The following ACBD6 variants were observed in gnomAD, a reference collection of about 807,000 sequenced individuals.
ACBD6 encodes acyl-CoA binding domain containing 6.
In ACBD6, 28 loss-of-function variants were observed where a neutral mutation model predicts 37.2. The observed-to-expected ratio is 0.75, with a 90% CI of 0.56 to 1.03. The LOEUF is 1.03. Ranked by LOEUF, ACBD6 falls within the 50% of genes least tolerant of loss-of-function variation. ACBD6 has a pLI of 0.00. For synonymous variants in ACBD6, 113 were observed against 126.8 expected, an observed-to-expected ratio of 0.89 and a Z score of 0.73; for missense variants, 340 against 337.4, an observed-to-expected ratio of 1.01 and a Z score of -0.06.
rs1313431949 is a variant in ACBD6 at position 180,288,537 on chromosome 1, A to G, written c.695-20T>C. Reference sequence around the variant, plus strand: ...CAGAGGCTGAAAGGAAAATTGACAAATATGAAAACAAGTTTACCAAGAGAC... The same window carrying G: ...CAGAGGCTGAAAGGAAAATTGACAAGTATGAAAACAAGTTTACCAAGAGAC... On this transcript the variant is annotated intron_variant, in intron 7 of 7. Coordinates refer to ENST00000367595, the MANE Select transcript of ACBD6 (RefSeq NM_032360.4). 6.2e-7 allele frequency: 1 copy of G among 1,608,408 alleles called. No individual in the cohort carries two copies. Among genetic ancestry groups the G allele is most frequent in the Admixed American group, 1.7e-5 (1 of 59,170 alleles).
chr1:180,315,109 C>T (rs1056804335), intron 6 of ACBD6, among the ~76,000 whole-genome samples: 1 of 151,980 alleles, frequency 6.6e-6, no homozygotes, highest in Non-Finnish European at 1.5e-5. Flanking sequence ...GTCCCCAAAT[C>T]TATCTAGCGA....
At chr1:180,336,014 A>T (rs1316832902) in intron 6 of ACBD6, among the ~76,000 whole-genome samples, 1 of 151,754 alleles carries the variant, frequency 6.6e-6, no homozygotes, top group African/African-American at 2.4e-5. Context: ...TCATAAAGCA[A>T]GTCCTTAGAG....
chr1:180,373,698 C>A (rs1653340575), intron 6 of ACBD6, among the ~76,000 whole-genome samples: 2 of 151,832 alleles, frequency 1.3e-5, no homozygotes, highest in Non-Finnish European at 2.9e-5. Context: ...ATTATTTAAC[C>A]TCCAGACATT....
At chr1:180,389,503 TTGGGTATATACCCAGTAATGGG>T (rs1653984013) in intron 6 of ACBD6, among the ~76,000 whole-genome samples, 1 of 152,216 alleles carries the variant, frequency 6.6e-6, no homozygotes, top group Non-Finnish European at 1.5e-5. Flanking sequence ...TTATACTCCT[TTGGGTATATACCCAGTAATGGG>T]ATGGCTGGGT....
At chr1:180,282,979 T>TG (rs1379676979) in intron 8 of ACBD6, among the ~76,000 whole-genome samples, 1 of 133,094 alleles carries the variant, frequency 7.5e-6, no homozygotes, top group Non-Finnish European at 1.5e-5. Flanking sequence ...TCTGTTTTTT[T>TG]TTTTTTTTTT....
At chr1:180,406,264 T>C (rs1001401051) in intron 5 of ACBD6, among the ~76,000 whole-genome samples, 1 of 152,096 alleles carries the variant, frequency 6.6e-6, no homozygotes, top group Non-Finnish European at 1.5e-5. Context: ...AAAAAATATT[T>C]ACATTATATA....
At chr1:180,310,896 CAATT>C (rs1373132672) in intron 7 of ACBD6, among the ~76,000 whole-genome samples, 1 of 152,082 alleles carries the variant, frequency 6.6e-6, no homozygotes, top group Non-Finnish European at 1.5e-5. Flanking sequence ...CTGCATTCCC[CAATT>C]AATTATTGTT....
chr1:180,295,960 C>G (rs1029323306), intron 7 of ACBD6, among the ~76,000 whole-genome samples: 9 of 152,136 alleles, frequency 5.9e-5, no homozygotes, highest in African/African-American at 2.2e-4. Context: ...AATGATTAAG[C>G]TTAGTAATGA....
chr1:180,301,634 C>T (rs148843005), intron 7 of ACBD6, among the ~76,000 whole-genome samples: 2,287 of 152,226 alleles, frequency 0.015, 28 homozygotes, highest in Non-Finnish European at 0.02. Context: ...TACTTTCCTT[C>T]TCGGGAACAC....
chr1:180,345,400 T>C (rs1652141117), intron 6 of ACBD6, among the ~76,000 whole-genome samples: 1 of 152,218 alleles, frequency 6.6e-6, no homozygotes. Flanking sequence ...ATAGGCACTT[T>C]CATTAGTTGT....
chr1:180,490,961 TAAAAAA>T (rs67650274), intron 3 of ACBD6, among the ~76,000 whole-genome samples: 1 of 93,850 alleles, frequency 1.1e-5, no homozygotes. Context: ...CTGTCTCATA[TAAAAAA>T]AAAAAAAAAA....
At chr1:180,365,891 T>A (rs1466039693) in intron 6 of ACBD6, among the ~76,000 whole-genome samples, 1 of 152,196 alleles carries the variant, frequency 6.6e-6, no homozygotes, top group Non-Finnish European at 1.5e-5. Flanking sequence ...CAGGCATTAA[T>A]CACTCTGAGT....
At chr1:180,450,630 G>A (rs1649666777) in intron 3 of ACBD6, among the ~76,000 whole-genome samples, 1 of 152,096 alleles carries the variant, frequency 6.6e-6, no homozygotes, top group Non-Finnish European at 1.5e-5. Flanking sequence ...CGTGGTGGCA[G>A]GCGCCTGTAG....
chr1:180,329,270 A>G (rs1295697650), intron 6 of ACBD6, among the ~76,000 whole-genome samples: 1 of 152,206 alleles, frequency 6.6e-6, no homozygotes, highest in Non-Finnish European at 1.5e-5. Flanking sequence ...ATATAAGGCT[A>G]TTTGGTCTTT....
chr1:180,502,370 G>T lies in ACBD6; in HGVS notation c.-104C>A. 7.8e-7 allele frequency: 1 copy of T among 1,283,810 alleles called. No individual in the cohort carries two copies. Among genetic ancestry groups the T allele is most frequent in the Non-Finnish European group, 1.1e-6 (1 of 903,542 alleles). 79.5% of individuals were successfully genotyped at this position (1,283,810 alleles called of 1,614,324 possible). A position where few individuals can be genotyped will look rare whatever the true frequency, so the allele number is the denominator to read the frequency against. On this transcript the variant is annotated 5_prime_UTR_variant, in exon 1 of 8. Coordinates refer to ENST00000367595, the MANE Select transcript of ACBD6 (RefSeq NM_032360.4). ...CCACCAGTCTGGGTCGCGAGCCTGAGCTCCAGTCGGACCCAAGCTCAGTCG... is the reference window on the plus strand; with the variant it reads ...CCACCAGTCTGGGTCGCGAGCCTGATCTCCAGTCGGACCCAAGCTCAGTCG...
intron 5 of ACBD6, among the ~76,000 whole-genome samples, chr1:180,402,761 G>A (rs1647432754): frequency 6.7e-6 from 1 of 150,196 alleles, no homozygotes; most frequent in African/African-American, 2.5e-5. Context: ...CGACGTCACT[G>A]TACTCCAGCC....
At chr1:180,459,860 G>A (rs1404794920) in intron 3 of ACBD6, among the ~76,000 whole-genome samples, 2 of 151,730 alleles carry the variant, frequency 1.3e-5, no homozygotes, top group Non-Finnish European at 2.9e-5. Flanking sequence ...TTTAAAACTG[G>A]TAAACTGGTT....
In ACBD6 at chr1:180,314,692, C is replaced by T. The variant is rs755213467; in HGVS notation, c.694G>A (p.Ala232Thr). Reference protein sequence around the residue: ...DNEGQTALHYASACEFLDIVE... With the variant: ...DNEGQTALHYTSACEFLDIVE... The stretch of plus-strand genomic sequence containing the variant: ...ACTTAATAATTTAGAAACTTCTTAC[C>T]ATAATGTAGAGCTGTTTGGCCTTCA... Residue 232 changes from alanine (A) to threonine (T), a missense_variant and splice_region_variant, in exon 7 of 8, where the codon GCC becomes ACC. By Grantham distance (58) the Ala-to-Thr change is moderately conservative. Coordinates refer to ENST00000367595, the MANE Select transcript of ACBD6 (RefSeq NM_032360.4). The T allele has an allele frequency of 1.6e-5, 24 of 1,528,880 alleles. No individual in the cohort carries two copies. The highest frequency in any genetic ancestry group is 2.0e-5 in the Non-Finnish European group (22 of 1,105,134). The allele number at this position is 1,528,880 out of a possible 1,614,324, so 94.7% of individuals were successfully genotyped here. A position where few individuals can be genotyped will look rare whatever the true frequency, so the allele number is the denominator to read the frequency against.
Position 180,272,118 on chromosome 1 carries a change from AC to A in ACBD6, c.*1254-148del, listed in dbSNP as rs575422958. ...TGAGGCCTTGGCAACTCCCTCCTGA[AC>A]ACAGGCTTTTCCTTAAGACTTGCAG... On this transcript the variant is annotated intron_variant, in intron 13 of 13. Coordinates refer to the ACBD6 transcript ENST00000642319. 2.3e-4 allele frequency: 215 copies of A among 937,984 alleles called. 1 individual carries two copies. Among genetic ancestry groups the A allele is most frequent in the African/African-American group, 1.7e-3 (103 of 60,258 alleles). The allele number at this position is 937,984 out of a possible 1,614,324, so 58.1% of individuals were successfully genotyped here.
Sources: gnomAD v4.1 joint callset for allele counts (sites outside exome capture counted in the v4.1 genomes callset) on GRCh38, gnomAD v4.1.1 for gene constraint, MANE v1.5 for transcripts, NCBI Gene and HGNC (gene_info 2026-07-23, HGNC 2026-07-21) for gene names.